HEATR4: variants seen among roughly 807,000 people sequenced by gnomAD.
HEATR4 encodes HEAT repeat containing 4, also known as HEAT repeat-containing protein 4.
In HEATR4, 95 loss-of-function variants were observed where a neutral mutation model predicts 108.8. That is an observed-to-expected ratio of 0.87 (90% CI 0.74 to 1.04). The LOEUF is 1.04. Among genes scored for constraint, HEATR4 ranks in the 50% least tolerant of loss-of-function variants. The pLI, the probability that HEATR4 is intolerant of heterozygous loss-of-function variation, is 0.00. For missense variants in HEATR4, 1,152 were observed against 1,253.8 expected, an observed-to-expected ratio of 0.92 and a Z score of 1.23; for synonymous variants, 443 against 459.4, an observed-to-expected ratio of 0.96 and a Z score of 0.46.
At chr14:73,599,155 C>T in the HEATR4 span, among the ~76,000 whole-genome samples, 1 of 152,042 alleles carries the variant, frequency 6.6e-6, no homozygotes, top group Non-Finnish European at 1.5e-5. Context: ...AAGTGCCAGA[C>T]ATGTGAGTGA....
the HEATR4 span, chr14:73,569,783 G>A: frequency 4.4e-6 from 7 of 1,605,398 alleles, no homozygotes; most frequent in Non-Finnish European, 5.1e-6. Context: ...CCGGGCGGCT[G>A]CTGTGCCAGA....
chr14:73,483,030 C>T (rs777408809), intron 17 of HEATR4, among the ~76,000 whole-genome samples: 3 of 152,150 alleles, frequency 2.0e-5, no homozygotes, highest in African/African-American at 7.2e-5. Flanking sequence ...GGAAGGAATA[C>T]GGACTGCATG....
In HEATR4 at chr14:73,492,712, G is replaced by C. The variant is rs370357833; in HGVS notation, c.2844+354C>G. On this transcript the variant is annotated intron_variant, in intron 17 of 17. Coordinates refer to ENST00000553558, the MANE Select transcript of HEATR4 (RefSeq NM_001220484.1). The surrounding 1 kb of genome is among the most constrained non-coding windows in gnomAD (Gnocchi z 4.9). ...GGCTGGTGGGTGAGGGGGGCCATTT[G>C]TTTCTCTATTACACAGTGGAAAACT... 1.9e-6 allele frequency: 3 copies of C among 1,613,828 alleles called. No individual in the cohort carries two copies. The highest frequency in any genetic ancestry group is 1.7e-5 in the Admixed American group (1 of 59,982).
the HEATR4 span, among the ~76,000 whole-genome samples, chr14:73,599,222 C>T: frequency 6.6e-6 from 1 of 151,606 alleles, no homozygotes; most frequent in Non-Finnish European, 1.5e-5. Context: ...GGAGACTTCA[C>T]ATAACCTCCA....
At chr14:73,622,309 T>C in the HEATR4 span, among the ~76,000 whole-genome samples, 7 of 152,176 alleles carry the variant, frequency 4.6e-5, no homozygotes, top group African/African-American at 9.7e-5. Flanking sequence ...CCTCGATTTC[T>C]TCCTTACAGA....
intron 17 of HEATR4, among the ~76,000 whole-genome samples, chr14:73,484,474 A>C (rs1308085099): frequency 6.6e-6 from 1 of 151,950 alleles, no homozygotes; most frequent in East Asian, 1.9e-4. Flanking sequence ...TGTCTCCCGC[A>C]TTCAAGCAAT....
chr14:73,613,802 G>A, the HEATR4 span, among the ~76,000 whole-genome samples: 1 of 152,216 alleles, frequency 6.6e-6, no homozygotes, highest in Non-Finnish European at 1.5e-5. Context: ...CCTAGTCTAA[G>A]TAAACACAGG....
chr14:73,584,780 T>C, the HEATR4 span, among the ~76,000 whole-genome samples: 17 of 148,700 alleles, frequency 1.1e-4, no homozygotes, highest in Admixed American at 7.4e-4. Flanking sequence ...GGCCCCATTT[T>C]TTGAGACCCT....
At position 73,480,279 on chromosome 14, in the gene HEATR4, T is replaced by C. The variant is rs1885197110; in HGVS notation, c.2845-1437A>G. Among the ~76,000 whole-genome samples, 6 of 151,948 alleles carry C rather than the reference T, an allele frequency of 3.9e-5. No homozygotes were observed. The South Asian group carries it at 1.2e-3, about 32-fold the overall frequency. ...CAACATGGTGAAACCCCATCTCTAC[T>C]AAAAATACAAAAATTAGCCAGGCAT... On this transcript the variant is annotated intron_variant, in intron 17 of 17. Transcript: ENST00000553558.
At chr14:73,619,943 A>G in the HEATR4 span, 23 of 1,246,892 alleles carry the variant, frequency 1.8e-5, no homozygotes, top group Non-Finnish European at 2.2e-5. Context: ...TTCCTGTATC[A>G]CTCTGTCACA....
chr14:73,478,938 C>CT, intron 17 of HEATR4, 96 bp from the exon 18 acceptor site: 1 of 880,736 alleles, frequency 1.1e-6, no homozygotes, highest in Non-Finnish European at 1.7e-6. Flanking sequence ...TAGGGTGTCT[C>CT]CTTTTTTTTT....
the HEATR4 span, among the ~76,000 whole-genome samples, chr14:73,613,527 A>C: frequency 3.3e-5 from 5 of 152,168 alleles, no homozygotes; most frequent in Non-Finnish European, 7.3e-5. Context: ...TTAAAAACAC[A>C]CACAAAACTG....
chr14:73,576,575 A>C, the HEATR4 span, among the ~76,000 whole-genome samples: 1 of 151,746 alleles, frequency 6.6e-6, no homozygotes, highest in African/African-American at 2.4e-5. Flanking sequence ...GACCAAGGCC[A>C]GTGGATTGCT....
At chr14:73,618,954 AC>A in the HEATR4 span, among the ~76,000 whole-genome samples, 1 of 152,120 alleles carries the variant, frequency 6.6e-6, no homozygotes, top group African/African-American at 2.4e-5. Flanking sequence ...ACATGGTGAA[AC>A]CCTGTCTCTA....
At chr14:73,576,932 CTTTTTTT>C in the HEATR4 span, among the ~76,000 whole-genome samples, 1 of 91,546 alleles carries the variant, frequency 1.1e-5, no homozygotes, top group Non-Finnish European at 2.7e-5. Flanking sequence ...CTTTTCTTTT[CTTTTTTT>C]TTTTTTTTTG....
At chr14:73,594,673 GTTAT>G in the HEATR4 span, among the ~76,000 whole-genome samples, 3,480 of 147,196 alleles carry the variant, frequency 0.024, 104 homozygotes, top group African/African-American at 0.07. Flanking sequence ...CATTGGATAA[GTTAT>G]TTATTTATTT....
Position 73,531,059 on chromosome 14 carries a change from T to C in HEATR4, c.-151-815A>G, listed in dbSNP as rs529868725. On this transcript the variant is annotated intron_variant, in intron 1 of 17. Coordinates refer to ENST00000553558, the MANE Select transcript of HEATR4 (RefSeq NM_001220484.1). ...CCTTTTGACACCTAATCCAAAGTTT[T>C]TTCAGCTACCTCAGGTTGCCCCTCA... 1.5e-3 allele frequency: 155 copies of C among 106,402 alleles called. 6 individuals are homozygous for C. Among genetic ancestry groups the C allele is most frequent in the African/African-American group, 4.3e-3 (141 of 32,696 alleles). The allele number at this position is 106,402 out of a possible 1,614,324, so 6.6% of individuals were successfully genotyped here.
the HEATR4 span, among the ~76,000 whole-genome samples, chr14:73,611,818 C>T: frequency 1.3e-5 from 2 of 152,258 alleles, no homozygotes; most frequent in South Asian, 2.1e-4. Flanking sequence ...ATCTGCTTTG[C>T]TCCAGGTACC....
Position 73,492,088 on chromosome 14 carries a change from G to A in HEATR4, c.2844+978C>T. 6.2e-7 allele frequency: 1 copy of A among 1,613,972 alleles called. No homozygotes were observed. The highest frequency in any genetic ancestry group is 8.5e-7 in the Non-Finnish European group (1 of 1,179,884). ...TGCAGCTGGAAGGTAGGAAACTCTG[G>A]CGTGTATACCGACCCCGAGTCCCAA... is the stretch of plus-strand genomic sequence containing the variant. On this transcript the variant is annotated intron_variant, in intron 17 of 17. Transcript: ENST00000553558. The surrounding 1 kb of genome is among the most constrained non-coding windows in gnomAD (Gnocchi z 4.9).
Sources: gnomAD v4.1 joint callset for allele counts (sites outside exome capture counted in the v4.1 genomes callset) on GRCh38, gnomAD v4.1.1 for gene constraint, Gnocchi (gnomAD v3.1) non-coding constraint, MANE v1.5 for transcripts, NCBI Gene and HGNC (gene_info 2026-07-23, HGNC 2026-07-21) for gene names.